SNX29: variants seen among roughly 807,000 people sequenced by gnomAD.
SNX29 encodes sorting nexin-29.
Under a neutral mutation model 102.1 loss-of-function variants are expected in SNX29, and 78 were observed. The ratio of observed to expected loss-of-function variants is 0.76; its 90% CI spans 0.64 to 0.92. The LOEUF is 0.92. Ranked by LOEUF, SNX29 falls within the 40% of genes least tolerant of loss-of-function variation. The pLI, the probability that SNX29 is intolerant of heterozygous loss-of-function variation, is 0.00. For synonymous variants in SNX29, 580 were observed against 414.5 expected (o/e 1.40, Z -4.85); for missense variants, 1,280 against 1,061.7 (o/e 1.21, Z -2.86).
Position 12,115,715 on chromosome 16 carries a change from A to G in SNX29, c.1403-10918A>G, listed in dbSNP as rs116994966. On this transcript the variant is annotated intron_variant, in intron 11 of 20. Transcript: ENST00000566228. ...ATTTATCTGGAGCCATCTAATTAAC[A>G]CCTGTACTCCACTTGTCACCTGAAC... is the stretch of plus-strand genomic sequence containing the variant. Among the ~76,000 whole-genome samples the G allele has an allele frequency of 6.6e-3, 999 of 152,244 alleles. 5 individuals are homozygous for G. Among genetic ancestry groups the G allele is most frequent in the Middle Eastern group, 0.037 (11 of 294 alleles).
chr16:12,433,675 C>T (rs962622484), intron 18 of SNX29, among the ~76,000 whole-genome samples: 6 of 145,754 alleles, frequency 4.1e-5, no homozygotes, highest in Non-Finnish European at 6.0e-5. Flanking sequence ...GCGTGGTGGG[C>T]GTGGTGGGCA....
intron 5 of SNX29, among the ~76,000 whole-genome samples, chr16:12,045,422 T>C (rs1247283536): frequency 6.6e-6 from 1 of 151,968 alleles, no homozygotes; most frequent in Non-Finnish European, 1.5e-5. Flanking sequence ...AGCTTGCAAG[T>C]TGGACTCGGG....
At chr16:12,199,066 A>G (rs984376392) in intron 13 of SNX29, among the ~76,000 whole-genome samples, 1 of 152,084 alleles carries the variant, frequency 6.6e-6, no homozygotes, top group Non-Finnish European at 1.5e-5. Flanking sequence ...GCTTGTCTTT[A>G]TGCCACAATC....
In SNX29 at chr16:12,027,445, G is replaced by T; in HGVS notation, c.247+1G>T. On this transcript the variant is annotated splice_donor_variant, in intron 4 of 20. Transcript: ENST00000566228. LOFTEE classifies it high-confidence loss of function. ...GGCTTTGCCAGCAAAACCGAAACAG[G>T]TACTGCTCTGCCTGGCTGTAGCTTG... 6.2e-7 allele frequency: 1 copy of T among 1,613,726 alleles called. No individual in the cohort carries two copies.
At position 12,096,544 on chromosome 16, in the gene SNX29, G is replaced by A. The variant is rs891079866; in HGVS notation, c.1402+17629G>A. Among the ~76,000 whole-genome samples, 5 of 152,204 alleles carry A rather than the reference G, an allele frequency of 3.3e-5. No homozygotes were observed. Among genetic ancestry groups the A allele is most frequent in the African/African-American group, 1.2e-4 (5 of 41,458 alleles). ...CTTTGACATTGCGCTCAGCACTCAG[G>A]AGATGTTAGCTCTTCTCACATGGGC... On this transcript the variant is annotated intron_variant, in intron 11 of 20. Coordinates refer to ENST00000566228, the MANE Select transcript of SNX29 (RefSeq NM_032167.5). This position sits in a 1 kb window ranked among gnomAD's most constrained non-coding sequence, Gnocchi z 4.2.
chr16:12,482,728 T>G (rs1183681068), intron 19 of SNX29, among the ~76,000 whole-genome samples: 6 of 152,256 alleles, frequency 3.9e-5, no homozygotes, highest in African/African-American at 1.4e-4. Context: ...CTTTCTCATT[T>G]GTCAGATGAG....
intron 3 of SNX29, among the ~76,000 whole-genome samples, chr16:12,025,622 C>A (rs1329771068): frequency 6.6e-6 from 1 of 152,174 alleles, no homozygotes; most frequent in African/African-American, 2.4e-5. Flanking sequence ...GCAGGGCCAG[C>A]TTTGGTCATT....
chr16:12,519,008 C>T (rs546937571), intron 19 of SNX29, among the ~76,000 whole-genome samples: 9 of 152,266 alleles, frequency 5.9e-5, no homozygotes, highest in Admixed American at 3.9e-4. Flanking sequence ...AATGCACTGG[C>T]CCACGGAGGC....
chr16:12,489,838 C>T (rs1204318641), intron 19 of SNX29, among the ~76,000 whole-genome samples: 3 of 152,004 alleles, frequency 2.0e-5, no homozygotes, highest in Admixed American at 6.6e-5. Flanking sequence ...TTGCGTCTCA[C>T]TCTGTCACCC....
At chr16:12,446,643 A>G (rs2086067145) in intron 18 of SNX29, among the ~76,000 whole-genome samples, 1 of 152,162 alleles carries the variant, frequency 6.6e-6, no homozygotes, top group African/African-American at 2.4e-5. Flanking sequence ...GATTCCTTGC[A>G]GAGTTTCATG....
At position 12,572,389 on chromosome 16, in the gene SNX29, A is replaced by G; in HGVS notation, c.*3760A>G. ...GCCTTCTGGAGGCGGCTTATATCCCAACAGCCTGAGGCAGGGCTCTGTGGC... is the reference window on the plus strand; with the variant it reads ...GCCTTCTGGAGGCGGCTTATATCCCGACAGCCTGAGGCAGGGCTCTGTGGC... On this transcript the variant is annotated 3_prime_UTR_variant, in exon 21 of 21. Coordinates refer to ENST00000566228, the MANE Select transcript of SNX29 (RefSeq NM_032167.5). The G allele has an allele frequency of 9.4e-7, 1 of 1,063,108 alleles. No individual in the cohort carries two copies. The highest frequency in any genetic ancestry group is 1.1e-6 in the Non-Finnish European group (1 of 877,844). The allele number at this position is 1,063,108 out of a possible 1,614,324, so 65.9% of individuals were successfully genotyped here.
At chr16:12,267,201 T>G (rs1053057032) in intron 14 of SNX29, among the ~76,000 whole-genome samples, 20 of 152,000 alleles carry the variant, frequency 1.3e-4, no homozygotes, top group African/African-American at 4.6e-4. Context: ...TTTATAGTTT[T>G]CTTAAATTAT....
chr16:12,296,006 T>C (rs767679977), intron 15 of SNX29, among the ~76,000 whole-genome samples: 1 of 152,260 alleles, frequency 6.6e-6, no homozygotes, highest in Non-Finnish European at 1.5e-5. Context: ...GTTCCTACTA[T>C]GTAATATGTA....
chr16:12,065,753 G>A (rs537288266), intron 9 of SNX29, among the ~76,000 whole-genome samples: 1 of 152,142 alleles, frequency 6.6e-6, no homozygotes, highest in Non-Finnish European at 1.5e-5. Context: ...GCTGTTTGGG[G>A]TTCCTGGTTT....
chr16:12,417,151 T>C (rs2084670526), intron 18 of SNX29, among the ~76,000 whole-genome samples: 2 of 152,334 alleles, frequency 1.3e-5, no homozygotes, highest in African/African-American at 4.8e-5. Flanking sequence ...CGGTTTGCAT[T>C]CTACTCCATA....
intron 15 of SNX29, among the ~76,000 whole-genome samples, chr16:12,350,285 T>C (rs1260927434): frequency 6.6e-6 from 1 of 152,188 alleles, no homozygotes; most frequent in East Asian, 1.9e-4. Flanking sequence ...GTACAGACTT[T>C]TTTCCTTCTC....
intron 20 of SNX29, among the ~76,000 whole-genome samples, chr16:12,561,450 C>T (rs947497545): frequency 7.9e-5 from 12 of 152,272 alleles, no homozygotes; most frequent in Admixed American, 7.8e-4. Flanking sequence ...CTCTAAGCTT[C>T]AAAGGCAGCT....
intron 11 of SNX29, among the ~76,000 whole-genome samples, chr16:12,103,010 C>T (rs867925694): frequency 2.0e-5 from 3 of 152,232 alleles, no homozygotes; most frequent in Middle Eastern, 6.8e-3. Flanking sequence ...TGTGAAGGAC[C>T]TCTTCAAGGA....
In SNX29 at chr16:12,573,580, T is replaced by TC. The variant is rs1033196034; in HGVS notation, c.*4956dup. On this transcript the variant is annotated 3_prime_UTR_variant, in exon 21 of 21. Coordinates refer to ENST00000566228, the MANE Select transcript of SNX29 (RefSeq NM_032167.5). ...AACCGGAAAACCACTCACCCAGGCTTCCCCCACTTCCCCTCAAATTTTCTC... is the reference window on the plus strand; with the variant it reads ...AACCGGAAAACCACTCACCCAGGCTTCCCCCCACTTCCCCTCAAATTTTCTC... 2 of 222,588 alleles carry TC rather than the reference T, an allele frequency of 9.0e-6. No homozygotes were observed. Among genetic ancestry groups the TC allele is most frequent in the Non-Finnish European group, 9.0e-6 (1 of 111,392 alleles). 13.8% of individuals were successfully genotyped at this position (222,588 alleles called of 1,614,324 possible). A position where few individuals can be genotyped will look rare whatever the true frequency, so the allele number is the denominator to read the frequency against.
Sources: allele counts gnomAD v4.1 joint callset (sites outside exome capture counted in the v4.1 genomes callset), GRCh38; gene constraint gnomAD v4.1.1; non-coding constraint Gnocchi (gnomAD v3.1); transcripts MANE v1.5; gene names NCBI Gene and HGNC (gene_info 2026-07-23, HGNC 2026-07-21).